BORCS5: variants seen among roughly 807,000 people sequenced by gnomAD.
BORCS5 encodes the protein BLOC-1 related complex subunit 5.
Under a neutral mutation model 22.1 loss-of-function variants are expected in BORCS5, and 17 were observed. That is an observed-to-expected ratio of 0.77 (90% CI 0.53 to 1.15). The LOEUF is 1.15. Ranked by LOEUF, BORCS5 falls within the 50% of genes most tolerant of loss-of-function variation. BORCS5 has a pLI of 0.00. For missense variants in BORCS5, 247 were observed against 253.2 expected, an observed-to-expected ratio of 0.98 and a Z score of 0.17; for synonymous variants, 117 against 99.8, an observed-to-expected ratio of 1.17 and a Z score of -1.03.
intron 1 of BORCS5, 80 bp downstream of exon 1, chr12:12,357,589 G>T: frequency 6.8e-7 from 1 of 1,464,362 alleles, no homozygotes; most frequent in African/African-American, 1.4e-5. Context: ...CTAGGGTCAG[G>T]GACTGCGGAC....
chr12:12,415,367 C>T (rs1371635424), intron 2 of BORCS5, among the ~76,000 whole-genome samples: 7 of 150,900 alleles, frequency 4.6e-5, no homozygotes, highest in Non-Finnish European at 8.9e-5. Flanking sequence ...GCCAACACAG[C>T]AAAACCCCGT....
rs574075584 is a variant in BORCS5, at chr12:12,456,243, G to A, written c.361-9303G>A. 2.0e-5 allele frequency among the ~76,000 whole-genome samples: 3 copies of A among 152,250 alleles called. No individual in the cohort carries two copies. In the South Asian group the frequency reaches 6.2e-4, roughly 32 times the overall value. On this transcript the variant is annotated intron_variant, in intron 3 of 3. Coordinates refer to ENST00000314565, the MANE Select transcript of BORCS5 (RefSeq NM_058169.6). ...GGCCAGGAGTTTGGAGATCAGCCAG[G>A]GCATCATCTTGAGACCCCATCTCCA...
At chr12:12,388,819 C>T (rs1028678173) in intron 2 of BORCS5, among the ~76,000 whole-genome samples, 1 of 151,114 alleles carries the variant, frequency 6.6e-6, no homozygotes, top group Non-Finnish European at 1.5e-5. Context: ...ATCAAGGCAA[C>T]CCCACACATG....
Position 12,411,281 on chromosome 12 carries a change from G to A in BORCS5, c.203-24347G>A, listed in dbSNP as rs139470930. On this transcript the variant is annotated intron_variant, in intron 2 of 3. Coordinates refer to ENST00000314565, the MANE Select transcript of BORCS5 (RefSeq NM_058169.6). ...ACTATGTTGAATAGGAGTGGTGAGA[G>A]AGGGCATCCCTGTCTTGTGCCCGTT... Among the ~76,000 whole-genome samples, 246 of 152,276 alleles carry A rather than the reference G, an allele frequency of 1.6e-3. 2 individuals are homozygous for A. Among genetic ancestry groups the A allele is most frequent in the African/African-American group, 5.7e-3 (238 of 41,544 alleles).
chr12:12,371,933 G>T (rs1384487677), intron 2 of BORCS5, among the ~76,000 whole-genome samples: 2 of 152,116 alleles, frequency 1.3e-5, no homozygotes, highest in Admixed American at 6.6e-5. Flanking sequence ...AATTTCAGAT[G>T]CTGGTATTTT....
chr12:12,465,960 C>T lies in BORCS5; in HGVS notation c.*184C>T. ...CCAGCTCTTTTCCTTGATGCAGTTTCCCGGTGTGGAAGGAACCTAACCAGT... is the reference window on the plus strand; with the variant it reads ...CCAGCTCTTTTCCTTGATGCAGTTTTCCGGTGTGGAAGGAACCTAACCAGT... On this transcript the variant is annotated 3_prime_UTR_variant, in exon 4 of 4. Transcript: ENST00000314565. 2 of 587,570 alleles carry T rather than the reference C, an allele frequency of 3.4e-6. No homozygotes were observed. Among genetic ancestry groups the T allele is most frequent in the Non-Finnish European group, 6.0e-6 (2 of 331,122 alleles). 36.4% of individuals were successfully genotyped at this position (587,570 alleles called of 1,614,324 possible).
In BORCS5 at chr12:12,421,474, G is replaced by A. The variant is rs146331376; in HGVS notation, c.203-14154G>A. 2.0e-3 allele frequency among the ~76,000 whole-genome samples: 303 copies of A among 152,184 alleles called. 2 individuals carry two copies. Among genetic ancestry groups the A allele is most frequent in the African/African-American group, 6.8e-3 (282 of 41,500 alleles). Reference sequence around the variant, plus strand: ...TGCCAGTATTTTATTGAGGATTTTCGCATCGATGTTCATCAGGGATATTGG... The same window carrying A: ...TGCCAGTATTTTATTGAGGATTTTCACATCGATGTTCATCAGGGATATTGG... On this transcript the variant is annotated intron_variant, in intron 2 of 3. Transcript: ENST00000314565.
chr12:12,407,109 T>G (rs1254813988), intron 2 of BORCS5, among the ~76,000 whole-genome samples: 1 of 152,254 alleles, frequency 6.6e-6, no homozygotes, highest in Admixed American at 6.5e-5. Context: ...TGTGAATGTT[T>G]GTAATGTTTA....
chr12:12,416,978 G>A (rs190592790), intron 2 of BORCS5, among the ~76,000 whole-genome samples: 2,106 of 150,616 alleles, frequency 0.014, 39 homozygotes, highest in African/African-American at 0.048. Flanking sequence ...TTTAGTAGAG[G>A]TGGTGTTTCA....
At chr12:12,439,613 C>T (rs1942639947) in intron 3 of BORCS5, among the ~76,000 whole-genome samples, 1 of 152,108 alleles carries the variant, frequency 6.6e-6, no homozygotes, top group African/African-American at 2.4e-5. Context: ...AGAGCAAGAC[C>T]CTGTCTCAAA....
chr12:12,453,804 T>G (rs1942954926), intron 3 of BORCS5, among the ~76,000 whole-genome samples: 1 of 152,232 alleles, frequency 6.6e-6, no homozygotes, highest in Non-Finnish European at 1.5e-5. Context: ...CTGCCTAGAA[T>G]GAAACTCTAT....
At chr12:12,358,823 A>G (rs1433695267) in intron 1 of BORCS5, among the ~76,000 whole-genome samples, 2 of 152,224 alleles carry the variant, frequency 1.3e-5, no homozygotes, top group African/African-American at 2.4e-5. Context: ...GATTTCTGGC[A>G]TGGCTTTTGT....
At chr12:12,464,233 G>A (rs753827102) in intron 3 of BORCS5, among the ~76,000 whole-genome samples, 3 of 146,996 alleles carry the variant, frequency 2.0e-5, no homozygotes, top group African/African-American at 5.1e-5. Context: ...CCTTCTCCCC[G>A]TGCCCAACTA....
chr12:12,438,927 C>A (rs1002323884), intron 3 of BORCS5, among the ~76,000 whole-genome samples: 1 of 151,646 alleles, frequency 6.6e-6, no homozygotes, highest in African/African-American at 2.4e-5. Flanking sequence ...ACCTATATAC[C>A]CTGCCCCATG....
At chr12:12,450,510 AT>A (rs973697899) in intron 3 of BORCS5, among the ~76,000 whole-genome samples, 10 of 151,922 alleles carry the variant, frequency 6.6e-5, no homozygotes, top group South Asian at 6.2e-4. Flanking sequence ...GTAATTTATT[AT>A]TTTTTTTATT....
At chr12:12,416,029 C>A (rs1038207218) in intron 2 of BORCS5, among the ~76,000 whole-genome samples, 11 of 152,112 alleles carry the variant, frequency 7.2e-5, no homozygotes, top group African/African-American at 2.7e-4. Flanking sequence ...TTCAGAGTTT[C>A]TATGTGGCTT....
chr12:12,444,677 A>T lies in BORCS5; in HGVS notation c.360+8892A>T, dbSNP rs58773479. The stretch of plus-strand genomic sequence containing the variant: ...TTTGAGATTCAGAAGGCCTGATGCA[A>T]GGTTCCATGGTAAATTTTGCTTGGT... On this transcript the variant is annotated intron_variant, in intron 3 of 3. Coordinates refer to ENST00000314565, the MANE Select transcript of BORCS5 (RefSeq NM_058169.6). Among the ~76,000 whole-genome samples the T allele has an allele frequency of 3.7e-3, 568 of 152,302 alleles. 6 individuals carry two copies. The highest frequency in any genetic ancestry group is 0.013 in the African/African-American group (529 of 41,558).
chr12:12,416,228 T>G (rs999135497), intron 2 of BORCS5, among the ~76,000 whole-genome samples: 7 of 152,272 alleles, frequency 4.6e-5, no homozygotes, highest in Admixed American at 2.0e-4. Flanking sequence ...GTTCCTCTAC[T>G]CTAGCAAAAG....
At chr12:12,388,900 G>C (rs915179379) in intron 2 of BORCS5, among the ~76,000 whole-genome samples, 1 of 146,108 alleles carries the variant, frequency 6.8e-6, no homozygotes, top group Admixed American at 6.8e-5. Context: ...AATGGTTGAA[G>C]CCAGTCCTCT....
Sources: gnomAD v4.1 joint callset for allele counts (sites outside exome capture counted in the v4.1 genomes callset) on GRCh38, gnomAD v4.1.1 for gene constraint, MANE v1.5 for transcripts, NCBI Gene and HGNC (gene_info 2026-07-23, HGNC 2026-07-21) for gene names.